KMT2D: variants seen among roughly 807,000 people sequenced by gnomAD.
KMT2D encodes histone-lysine N-methyltransferase 2D.
Under a neutral mutation model 512.7 loss-of-function variants are expected in KMT2D, and 55 were observed. The ratio of observed to expected loss-of-function variants is 0.11; its 90% CI spans 0.09 to 0.13. KMT2D has a LOEUF of 0.13. Ranked by LOEUF, KMT2D falls within the 10% of genes least tolerant of loss-of-function variation. KMT2D has a pLI of 1.00. For missense variants in KMT2D, 6,061 were observed against 7,127.9 expected (o/e 0.85, Z 5.39); for synonymous variants, 2,995 against 2,904.0 (o/e 1.03, Z -1.01).
At position 49,026,607 on chromosome 12, in the gene KMT2D, C is replaced by T. The variant is rs767486251; in HGVS notation, c.15359G>A (p.Arg5120His). 1.4e-5 allele frequency: 22 copies of T among 1,613,886 alleles called. No homozygotes were observed. The highest frequency in any genetic ancestry group is 4.5e-5 in the East Asian group (2 of 44,890). Residue 5120 changes from arginine to histidine, a missense_variant, in exon 49 of 55, where the codon CGT (arginine) becomes CAT (histidine). Around this residue, in one of 16 missense-constraint regions of KMT2D, gnomAD observed 261 missense variants for 440.7 expected, o/e 0.59. Coordinates refer to ENST00000301067, the MANE Select transcript of KMT2D (RefSeq NM_003482.4). The surrounding 1 kb of genome is among the most constrained non-coding windows in gnomAD (Gnocchi z 9.6). ...GTCCTTGAAGAACATGCACTTGGCA[C>T]GGATGGCACAAGCAAAATGGTAGAC... ...PNVYHFACAI[R>H]AKCMFFKDKT...
intron 14 of KMT2D, 51 bp from the exon 15 acceptor site, chr12:49,048,120 C>T (rs1937666230): frequency 1.6e-6 from 2 of 1,249,440 alleles, no homozygotes; most frequent in Non-Finnish European, 2.3e-6. Context: ...CCCCATCCCA[C>T]TCAGATCCAG....
At position 49,026,670 on chromosome 12, in the gene KMT2D, C is replaced by G. The variant is rs768386876; in HGVS notation, c.15296G>C (p.Gly5099Ala). Residue 5099 changes from glycine (G) to alanine (A), a missense_variant, in exon 49 of 55, where the codon GGT becomes GCT. Coordinates refer to ENST00000301067, the MANE Select transcript of KMT2D (RefSeq NM_003482.4). This position sits in a 1 kb window ranked among gnomAD's most constrained non-coding sequence, Gnocchi z 9.6. ...LTKCSLCQRT[G>A]ATSSCNRMRC... ...CATGCGATTGCAGCTGCTGGTGGCA[C>G]CAGTTCGCTGGCACAGGGAGCACTT... 1 of 1,613,990 alleles carries G rather than the reference C, an allele frequency of 6.2e-7. No individual in the cohort carries two copies. The highest frequency in any genetic ancestry group is 8.5e-7 in the Non-Finnish European group (1 of 1,179,904).
intron 49 of KMT2D, among the ~76,000 whole-genome samples, chr12:49,025,868 T>C (rs1169138652): frequency 6.6e-6 from 1 of 152,134 alleles, no homozygotes; most frequent in African/African-American, 2.4e-5. Context: ...CCAAGGAACT[T>C]GGTTAGGATT....
rs149393179 is a variant in KMT2D at position 49,026,426 on chromosome 12, C to A, written c.15540G>T (p.Val5180=). 2 of 1,613,892 alleles carry A rather than the reference C, an allele frequency of 1.2e-6. No homozygotes were observed. Among genetic ancestry groups the A allele is most frequent in the African/African-American group, 1.3e-5 (1 of 74,944 alleles). The part of the protein sequence containing the change: ...QRGERLHMFR[V]GGLVFHAIGQ... The stretch of plus-strand genomic sequence containing the variant: ...CGATGGCGTGGAACACAAGGCCCCC[C>A]ACACGGAACATGTGCAGCCGTTCTC... The change falls in exon 49 of 55, where the codon GTG becomes GTT. Residue 5180 remains valine, a synonymous_variant. Coordinates refer to ENST00000301067, the MANE Select transcript of KMT2D (RefSeq NM_003482.4). This position sits in a 1 kb window ranked among gnomAD's most constrained non-coding sequence, Gnocchi z 9.6.
intron 35 of KMT2D, 33 bp from the exon 36 acceptor site, chr12:49,034,968 T>C: frequency 6.2e-7 from 1 of 1,612,390 alleles, no homozygotes; most frequent in Non-Finnish European, 8.5e-7. Flanking sequence ...AGCTGGGCTA[T>C]GGGGCCAATG....
At position 49,043,128 on chromosome 12, in the gene KMT2D, G is replaced by T. The variant is rs587783720; in HGVS notation, c.5592C>A (p.Gly1864=). ...AGCTAAGCATCCCTTCACCTGGGGT[G>T]CCTGGCTTCTCAGGGTCACTGGGCA... The part of the protein sequence containing the change: ...SPVPSDPEKP[G]TPGEGMLSSD... Residue 1864 remains glycine (G), a synonymous_variant, in exon 26 of 55, where the codon GGC becomes GGA. Transcript: ENST00000301067. The T allele has an allele frequency of 1.2e-6, 2 of 1,613,986 alleles. No homozygotes were observed. The highest frequency in any genetic ancestry group is 1.7e-6 in the Non-Finnish European group (2 of 1,179,870).
Position 49,028,173 on chromosome 12 carries a change from A to G in KMT2D, c.14383-32T>C, listed in dbSNP as rs200425736. Reference sequence around the variant, plus strand: ...GGGCCAGGGAAGGGATGGAAGAAACATATCAGCCAAGTGTCTGAGGTGAGC... The same window carrying G: ...GGGCCAGGGAAGGGATGGAAGAAACGTATCAGCCAAGTGTCTGAGGTGAGC... On this transcript the variant is annotated intron_variant, in intron 46 of 54. Coordinates refer to ENST00000301067, the MANE Select transcript of KMT2D (RefSeq NM_003482.4). The G allele has an allele frequency of 1.4e-5, 23 of 1,613,454 alleles. No homozygotes were observed. The Admixed American group carries it at 1.8e-4, about 13-fold the overall frequency.
At chr12:49,027,460 T>G in intron 48 of KMT2D, 138 bp from the exon 49 acceptor site, 1 of 752,332 alleles carries the variant, frequency 1.3e-6, no homozygotes. Flanking sequence ...TTTCTTTTCT[T>G]TTTTTTTTGA....
intron 35 of KMT2D, among the ~76,000 whole-genome samples, chr12:49,036,313 C>CTT (rs766450235): frequency 2.9e-5 from 4 of 136,554 alleles, no homozygotes; most frequent in South Asian, 2.4e-4. Flanking sequence ...ATCCCAATCG[C>CTT]TTTTTTTTTT....
rs1165937379 is a variant in KMT2D, at chr12:49,053,239, C to T, written c.922G>A (p.Glu308Lys). ...YHTFCLKPPM[E>K]ELPAHSWKCK... ...TTCCAAGAGTGAGCAGGCAGTTCCT[C>T]CATGGGTGGTTTTAGGCAGAAAGTA... The change falls in exon 8 of 55, where the codon GAG becomes AAG. Residue 308 changes from glutamate to lysine, a missense_variant. Physicochemically the swap from Glu to Lys is moderately conservative, Grantham distance 56. Coordinates refer to ENST00000301067, the MANE Select transcript of KMT2D (RefSeq NM_003482.4). The T allele has an allele frequency of 6.2e-7, 1 of 1,613,970 alleles. No homozygotes were observed. The highest frequency in any genetic ancestry group is 1.7e-5 in the Admixed American group (1 of 60,022).
chr12:49,053,364 A>G, intron 7 of KMT2D, 43 bp from the exon 8 acceptor site: 1 of 1,602,690 alleles, frequency 6.2e-7, no homozygotes, highest in Non-Finnish European at 8.5e-7. Context: ...CTCTGCCCTC[A>G]TTTCCTTTCT....
Position 49,021,325 on chromosome 12 carries a change from T to G in KMT2D, c.*455A>C, listed in dbSNP as rs886049466. The G allele has an allele frequency of 8.2e-6, 2 of 243,066 alleles. No individual in the cohort carries two copies. Among genetic ancestry groups the G allele is most frequent in the Non-Finnish European group, 1.6e-5 (2 of 124,324 alleles). The allele number at this position is 243,066 out of a possible 1,614,324, so 15.1% of individuals were successfully genotyped here. A position where few individuals can be genotyped will look rare whatever the true frequency, so the allele number is the denominator to read the frequency against. On this transcript the variant is annotated 3_prime_UTR_variant, in exon 55 of 55. Coordinates refer to ENST00000301067, the MANE Select transcript of KMT2D (RefSeq NM_003482.4). Reference sequence around the variant, plus strand: ...GCAGGACCCGGCAGGCAGGGCCAGGTGTGGGACCCGGCCTTTGGGATTGTC... The same window carrying G: ...GCAGGACCCGGCAGGCAGGGCCAGGGGTGGGACCCGGCCTTTGGGATTGTC...
At chr12:49,048,852 A>C in intron 13 of KMT2D, 83 bp from the exon 14 acceptor site, 2 of 940,110 alleles carry the variant, frequency 2.1e-6, no homozygotes, top group Non-Finnish European at 3.3e-6. Flanking sequence ...TGGGGGAAGA[A>C]AGTGTGAACC....
rs1445417106 is a variant in KMT2D, at chr12:49,029,162, TCCC to T, written c.14147_14149del (p.Gly4716del). On this transcript the variant is annotated inframe_deletion, in exon 45 of 55. Transcript: ENST00000301067. ...CAGATGAGGGAAACGAGGGGCCTCC[TCCC>T]CCAAGATGCTCTCAGGGGATGAAGC... 2 of 1,613,608 alleles carry T rather than the reference TCCC, an allele frequency of 1.2e-6. No individual in the cohort carries two copies.
chr12:49,043,151 G>A lies in KMT2D; in HGVS notation c.5569C>T (p.Pro1857Ser), dbSNP rs1310243384. 1.2e-6 allele frequency: 2 copies of A among 1,613,832 alleles called. No individual in the cohort carries two copies. Among genetic ancestry groups the A allele is most frequent in the Non-Finnish European group, 1.7e-6 (2 of 1,179,854 alleles). ...GTGCCTGGCTTCTCAGGGTCACTGG[G>A]CACTGGGGATGCCTTCACGCCCCCA... is the stretch of plus-strand genomic sequence containing the variant. ...EDGGVKASPV[P>S]SDPEKPGTPG... Residue 1857 changes from proline (P) to serine (S), a missense_variant, in exon 26 of 55, where the codon CCC becomes TCC. By Grantham distance (74) the Pro-to-Ser change is moderately conservative (BLOSUM62 -1). Transcript: ENST00000301067.
Position 49,026,138 on chromosome 12 carries a change from CTT to C in KMT2D, c.15784+42_15784+43del. On this transcript the variant is annotated intron_variant, in intron 49 of 54. Transcript: ENST00000301067. The surrounding 1 kb of genome is among the most constrained non-coding windows in gnomAD (Gnocchi z 9.6). The stretch of plus-strand genomic sequence containing the variant: ...ATTGTAACAGTGACCCTGGGAGAAA[CTT>C]TTCCCATTCCATATTATCCATTTCA... 1 of 1,508,756 alleles carries C rather than the reference CTT, an allele frequency of 6.6e-7. No homozygotes were observed. The highest frequency in any genetic ancestry group is 8.9e-7 in the Non-Finnish European group (1 of 1,122,796). 93.5% of individuals were successfully genotyped at this position (1,508,756 alleles called of 1,614,324 possible).
rs2096589436 is a variant in KMT2D at position 49,038,742 on chromosome 12, C to A, written c.8614G>T (p.Ala2872Ser). Reference sequence around the variant, plus strand: ...AGCTCAATGAACTGGGCAGGACCAGCTGGACCAGGCACTGGCTCACCAGGG... The same window carrying A: ...AGCTCAATGAACTGGGCAGGACCAGATGGACCAGGCACTGGCTCACCAGGG... ...PGPGEPVPGP[A>S]GPAQFIELRH... Residue 2872 changes from alanine to serine, a missense_variant, in exon 35 of 55, where the codon GCT becomes TCT. Ala to Ser is a moderately conservative substitution (Grantham distance 99, BLOSUM62 1). Around this residue, in one of 16 missense-constraint regions of KMT2D, gnomAD observed 527 missense variants for 578.9 expected, o/e 0.91. Transcript: ENST00000301067. The surrounding 1 kb of genome is among the most constrained non-coding windows in gnomAD (Gnocchi z 5.7). 9 of 1,607,230 alleles carry A rather than the reference C, an allele frequency of 5.6e-6. No homozygotes were observed. The highest frequency in any genetic ancestry group is 7.6e-6 in the Non-Finnish European group (9 of 1,177,106).
rs1453589938 is a variant in KMT2D, at chr12:49,040,235, C to T, written c.7535G>A (p.Ser2512Asn). The change falls in exon 32 of 55, where the codon AGT becomes AAT. Residue 2512 changes from serine (S) to asparagine (N), a missense_variant. Ser to Asn is a conservative substitution (Grantham distance 46). Coordinates refer to ENST00000301067, the MANE Select transcript of KMT2D (RefSeq NM_003482.4). Reference protein sequence around the residue: ...PAGELHAKVPSGQPPNFVRSP... With the variant: ...PAGELHAKVPNGQPPNFVRSP... The stretch of plus-strand genomic sequence containing the variant: ...CCGGACAAAATTGGGGGGCTGCCCA[C>T]TTGGGACCTTGGCATGGAGCTCACC... 1.9e-6 allele frequency: 3 copies of T among 1,612,970 alleles called. No homozygotes were observed. The South Asian group carries it at 3.3e-5, about 18-fold the overall frequency.
In KMT2D at chr12:49,033,530, C is replaced by T. The variant is rs1943060699; in HGVS notation, c.11175G>A (p.Gln3725=). Residue 3725 remains glutamine, a synonymous_variant, in exon 40 of 55, where the codon CAG becomes CAA. Transcript: ENST00000301067. The part of the protein sequence containing the change: ...LLQERQLQLQ[Q]QRMQLAQKLQ... ...GTTTCTGGGCCAGCTGCATACGTTG[C>T]TGCTGCAGCTGCAGCTGCCTTTCCT... The T allele has an allele frequency of 1.9e-6, 3 of 1,613,616 alleles. No individual in the cohort carries two copies. The highest frequency in any genetic ancestry group is 1.1e-5 in the South Asian group (1 of 91,086).
Sources: allele counts gnomAD v4.1 joint callset (sites outside exome capture counted in the v4.1 genomes callset), GRCh38; gene constraint gnomAD v4.1.1; regional missense constraint gnomAD v4.1.1; non-coding constraint Gnocchi (gnomAD v3.1); transcripts MANE v1.5; gene names NCBI Gene and HGNC (gene_info 2026-07-23, HGNC 2026-07-21).